ROR1: variants seen among roughly 807,000 people sequenced by gnomAD.
ROR1 encodes inactive tyrosine-protein kinase transmembrane receptor ROR1.
In ROR1, 19 loss-of-function variants were observed where a neutral mutation model predicts 78.8. That is an observed-to-expected ratio of 0.24 (90% CI 0.17 to 0.35). ROR1 has a LOEUF of 0.35. ROR1 is among the 10% of genes least tolerant of loss of function. The pLI is 1.00. For missense variants in ROR1, 917 were observed against 1,177.8 expected (o/e 0.78, Z 3.24); for synonymous variants, 386 against 433.6 (o/e 0.89, Z 1.36).
chr1:63,949,333 C>G (rs543581940), intron 1 of ROR1, among the ~76,000 whole-genome samples: 4 of 152,274 alleles, frequency 2.6e-5, no homozygotes, highest in African/African-American at 7.2e-5. Context: ...TCCCCACCCC[C>G]CAGAGAAGGA....
chr1:64,108,702 A>G (rs140239469), intron 4 of ROR1, among the ~76,000 whole-genome samples: 1 of 152,270 alleles, frequency 6.6e-6, no homozygotes, highest in East Asian at 1.9e-4. Flanking sequence ...AGTTAGCAAA[A>G]GAGTGTTCAG....
At position 63,856,514 on chromosome 1, in the gene ROR1, C is replaced by G. The variant is rs1352293818; in HGVS notation, c.91+82006C>G. ...GGGGGATTCTCTGTGGCTCTTTCTG[C>G]AGCTCTCTTTTCTCTGATACTTGGC... On this transcript the variant is annotated intron_variant, in intron 1 of 8. Transcript: ENST00000371079. 2.6e-5 allele frequency among the ~76,000 whole-genome samples: 4 copies of G among 152,256 alleles called. No homozygotes were observed. In the East Asian group the frequency reaches 7.7e-4, roughly 29 times the overall value.
chr1:63,780,972 G>T lies in ROR1; in HGVS notation c.91+6464G>T, dbSNP rs530847619. ...AATGGCCGGAGGAAAGGATCCTGAG[G>T]TGCTCTGTTTGCCATTTAAATTTTC... On this transcript the variant is annotated intron_variant, in intron 1 of 8. Coordinates refer to ENST00000371079, the MANE Select transcript of ROR1 (RefSeq NM_005012.4). Among the ~76,000 whole-genome samples, 19 of 152,256 alleles carry T rather than the reference G, an allele frequency of 1.2e-4. No individual in the cohort carries two copies. In the South Asian group the frequency reaches 3.7e-3, roughly 30 times the overall value.
chr1:63,922,983 T>C (rs1465789152), intron 1 of ROR1, among the ~76,000 whole-genome samples: 2 of 152,142 alleles, frequency 1.3e-5, no homozygotes, highest in Admixed American at 1.3e-4. Flanking sequence ...TTGATTCTAA[T>C]GATAGTAATA....
chr1:64,131,527 C>T (rs1208142602), intron 4 of ROR1, among the ~76,000 whole-genome samples: 4 of 130,734 alleles, frequency 3.1e-5, no homozygotes, highest in African/African-American at 1.2e-4. Flanking sequence ...GTCCCTCTAC[C>T]TTGGCCCTTG....
intron 1 of ROR1, among the ~76,000 whole-genome samples, chr1:63,939,542 A>G (rs1004123268): frequency 6.6e-6 from 1 of 152,220 alleles, no homozygotes; most frequent in African/African-American, 2.4e-5. Context: ...AATGTTATTC[A>G]CAAAAAACAA....
At chr1:63,921,886 G>A (rs1645657785) in intron 1 of ROR1, among the ~76,000 whole-genome samples, 1 of 152,180 alleles carries the variant, frequency 6.6e-6, no homozygotes, top group Non-Finnish European at 1.5e-5. Flanking sequence ...GAAAACCAAA[G>A]AAACACTGCA....
rs139252286 is a variant in ROR1 at position 64,177,742 on chromosome 1, A to T, written c.1701A>T (p.Arg567Ser). Reference protein sequence around the residue: ...QGDLHEFLIMRSPHSDVGCSS... With the variant: ...QGDLHEFLIMSSPHSDVGCSS... ...ATCTCCATGAGTTCCTCATCATGAG[A>T]TCCCCACACTCTGATGTTGGCTGCA... is the stretch of plus-strand genomic sequence containing the variant. The change falls in exon 9 of 9, where the codon AGA (arginine) becomes AGT (serine). Residue 567 changes from arginine to serine, a missense_variant. Arg to Ser is a moderately radical substitution (Grantham distance 110). Around this residue, in one of 3 missense-constraint regions of ROR1, gnomAD observed 835 missense variants for 1,069.8 expected, o/e 0.78. Coordinates refer to ENST00000371079, the MANE Select transcript of ROR1 (RefSeq NM_005012.4). 4.3e-6 allele frequency: 7 copies of T among 1,613,972 alleles called. No individual in the cohort carries two copies. In the African/African-American group the frequency reaches 8.0e-5, roughly 18 times the overall value.
chr1:63,982,045 A>G (rs1411463827), intron 1 of ROR1, among the ~76,000 whole-genome samples: 1 of 152,080 alleles, frequency 6.6e-6, no homozygotes, highest in Non-Finnish European at 1.5e-5. Flanking sequence ...ACTACTAATA[A>G]TTGGCAACAA....
intron 1 of ROR1, among the ~76,000 whole-genome samples, chr1:63,992,044 G>C (rs1251005711): frequency 1.3e-5 from 2 of 151,894 alleles, no homozygotes; most frequent in African/African-American, 4.8e-5. Flanking sequence ...TAACTTTTGG[G>C]AAGAATTTCT....
At chr1:63,873,596 A>G (rs1645265778) in intron 1 of ROR1, among the ~76,000 whole-genome samples, 1 of 152,162 alleles carries the variant, frequency 6.6e-6, no homozygotes, top group South Asian at 2.1e-4. Context: ...AAAAAGTATC[A>G]CTAAAAACTC....
At chr1:63,862,156 A>C (rs1569832914) in intron 1 of ROR1, among the ~76,000 whole-genome samples, 1 of 152,000 alleles carries the variant, frequency 6.6e-6, no homozygotes, top group East Asian at 1.9e-4. Flanking sequence ...ACTTTGGGAG[A>C]CCGAGGCAGG....
intron 1 of ROR1, among the ~76,000 whole-genome samples, chr1:63,820,154 T>C (rs1002183229): frequency 6.6e-5 from 10 of 152,196 alleles, no homozygotes; most frequent in African/African-American, 1.9e-4. Flanking sequence ...TGGTTGAAGC[T>C]CAAGTTGGCA....
At chr1:64,121,059 C>CTTTTTTTTTTTTTTTTTTTTT (rs200292093) in intron 4 of ROR1, among the ~76,000 whole-genome samples, 2 of 82,010 alleles carry the variant, frequency 2.4e-5, no homozygotes, top group African/African-American at 6.5e-5. Context: ...GGAGATACCC[C>CTTTTTTTTTTTTTTTTTTTTT]TTTTTTTTTT....
intron 1 of ROR1, among the ~76,000 whole-genome samples, chr1:63,940,957 A>AC (rs1441883359): frequency 6.6e-6 from 1 of 152,190 alleles, no homozygotes; most frequent in Non-Finnish European, 1.5e-5. Flanking sequence ...ACACTGCGTA[A>AC]CCCGAATTTA....
chr1:63,838,809 C>A (rs550810788), intron 1 of ROR1, among the ~76,000 whole-genome samples: 1 of 152,176 alleles, frequency 6.6e-6, no homozygotes, highest in Non-Finnish European at 1.5e-5. Context: ...AAGCTCCATT[C>A]ATGATAAGTG....
At chr1:64,108,060 TTGTGTGTGTGTGTGTGTG>T (rs3084945) in intron 4 of ROR1, among the ~76,000 whole-genome samples, 6 of 146,424 alleles carry the variant, frequency 4.1e-5, no homozygotes, top group South Asian at 4.5e-4. Context: ...TGTTTTCTTG[TTGTGTGTGTGTGTGTGTG>T]TGTGTGTGTG....
At chr1:63,936,915 A>C (rs1019136398) in intron 1 of ROR1, among the ~76,000 whole-genome samples, 9 of 152,188 alleles carry the variant, frequency 5.9e-5, no homozygotes, top group African/African-American at 1.9e-4. Context: ...TACCAAACAC[A>C]GGGCCATTTG....
intron 1 of ROR1, among the ~76,000 whole-genome samples, chr1:63,809,490 T>A (rs1407714587): frequency 1.3e-5 from 2 of 152,236 alleles, no homozygotes. Flanking sequence ...ATTAGCATCT[T>A]GTGTATCATA....
Sources: gnomAD v4.1 joint callset for allele counts (sites outside exome capture counted in the v4.1 genomes callset) on GRCh38, gnomAD v4.1.1 for gene constraint, gnomAD v4.1.1 regional missense constraint, MANE v1.5 for transcripts, NCBI Gene and HGNC (gene_info 2026-07-23, HGNC 2026-07-21) for gene names.